The following ART3 variants were observed in gnomAD, a reference collection of about 807,000 sequenced individuals.
ART3 encodes the protein ecto-ADP-ribosyltransferase 3.
In ART3, 49 loss-of-function variants were observed where a neutral mutation model predicts 48.5. The observed-to-expected ratio is 1.01, with a 90% CI of 0.80 to 1.28. The LOEUF (loss-of-function observed/expected upper bound fraction) is 1.28. Among genes scored for constraint, ART3 ranks in the 50% most tolerant of loss-of-function variants. The pLI, the probability that ART3 is intolerant of heterozygous loss-of-function variation, is 0.00. For synonymous variants in ART3, 145 were observed against 157.2 expected (o/e 0.92, Z 0.58); for missense variants, 438 against 454.3 (o/e 0.96, Z 0.33).
At chr4:76,111,563 G>A (rs1259545979) in intron 11 of ART3, among the ~76,000 whole-genome samples, 1 of 133,196 alleles carries the variant, frequency 7.5e-6, no homozygotes, top group Non-Finnish European at 1.6e-5. Context: ...ATTTATTTGA[G>A]CTGGAGTCTT....
At chr4:76,052,694 G>A (rs943468566) in intron 1 of ART3, among the ~76,000 whole-genome samples, 2 of 148,802 alleles carry the variant, frequency 1.3e-5, no homozygotes, top group South Asian at 2.1e-4. Flanking sequence ...GAGAACATGC[G>A]TGTACCCAAT....
chr4:76,107,731 T>C (rs373840083), intron 10 of ART3, 30 bp from the exon 11 acceptor site: 8 of 1,355,812 alleles, frequency 5.9e-6, no homozygotes, highest in Non-Finnish European at 8.2e-6. Context: ...ATATACAATA[T>C]AACTAACTCA....
intron 1 of ART3, among the ~76,000 whole-genome samples, chr4:76,044,734 T>C (rs550163750): frequency 6.6e-6 from 1 of 152,108 alleles, no homozygotes; most frequent in East Asian, 1.9e-4. Flanking sequence ...TCCCTGTCTC[T>C]TTCTCTGACT....
chr4:76,029,485 A>AT (rs1248529500), intron 1 of ART3, among the ~76,000 whole-genome samples: 1 of 152,180 alleles, frequency 6.6e-6, no homozygotes, highest in East Asian at 1.9e-4. Flanking sequence ...GCTCAATTTC[A>AT]TTACCAGTGT....
chr4:76,078,477 C>T (rs1279814236), intron 2 of ART3, among the ~76,000 whole-genome samples: 1 of 152,076 alleles, frequency 6.6e-6, no homozygotes, highest in Non-Finnish European at 1.5e-5. Context: ...CATTTCTTGG[C>T]TATGAGATGG....
chr4:76,101,052 A>G (rs781116337), intron 8 of ART3, 33 bp downstream of exon 8: 2 of 1,610,168 alleles, frequency 1.2e-6, no homozygotes, highest in African/African-American at 1.3e-5. Context: ...GGGGGCTTAC[A>G]TTTTGCAATA....
In ART3 at chr4:76,112,616, A is replaced by G; in HGVS notation, c.*97A>G. The G allele has an allele frequency of 2.3e-6, 3 of 1,326,752 alleles. No homozygotes were observed. Among genetic ancestry groups the G allele is most frequent in the South Asian group, 1.6e-5 (1 of 63,728 alleles). 82.2% of individuals were successfully genotyped at this position (1,326,752 alleles called of 1,614,324 possible). ...ATGATGTATTTTTTACGTGTTGGCC[A>G]AAGTCACTGGATAAAATGAGAATTG... On this transcript the variant is annotated 3_prime_UTR_variant, in exon 12 of 12. Transcript: ENST00000355810.
chr4:76,063,338 A>G (rs750911930), intron 1 of ART3, among the ~76,000 whole-genome samples: 1 of 152,166 alleles, frequency 6.6e-6, no homozygotes, highest in Admixed American at 6.5e-5. Flanking sequence ...AAATAAGCAT[A>G]TACTAGATTC....
chr4:76,106,846 A>G (rs1214368134), intron 10 of ART3, among the ~76,000 whole-genome samples: 1 of 152,166 alleles, frequency 6.6e-6, no homozygotes, highest in Non-Finnish European at 1.5e-5. Flanking sequence ...GAGGCTAGAA[A>G]GGGAGCTCGA....
At chr4:76,012,746 G>A (rs965548727) in intron 1 of ART3, among the ~76,000 whole-genome samples, 1 of 152,122 alleles carries the variant, frequency 6.6e-6, no homozygotes, top group Non-Finnish European at 1.5e-5. Context: ...GTGACTTTAG[G>A]CAAGTCAGCT....
chr4:76,095,023 C>A (rs1725693502), intron 3 of ART3, among the ~76,000 whole-genome samples: 2 of 152,058 alleles, frequency 1.3e-5, no homozygotes, highest in African/African-American at 4.8e-5. Context: ...GTTAGGTTTC[C>A]TTTTTCATTC....
At chr4:76,101,706 C>T (rs139386855) in intron 8 of ART3, among the ~76,000 whole-genome samples, 3,927 of 152,078 alleles carry the variant, frequency 0.026, 135 homozygotes, top group African/African-American at 0.078. Context: ...GAGCCGAGAT[C>T]GCGCCACTGC....
chr4:76,103,795 T>C, intron 8 of ART3, 142 bp from the exon 9 acceptor site: 2 of 692,250 alleles, frequency 2.9e-6, no homozygotes, highest in Middle Eastern at 6.3e-4. Context: ...AAAGGTGTTT[T>C]TGTTGTTGCT....
intron 1 of ART3, among the ~76,000 whole-genome samples, chr4:76,057,548 T>C (rs966521934): frequency 3.3e-5 from 5 of 152,240 alleles, no homozygotes; most frequent in Non-Finnish European, 7.3e-5. Context: ...CTAACACTTA[T>C]ATAGTGCTTC....
chr4:76,076,436 A>G (rs2149522472), intron 2 of ART3, among the ~76,000 whole-genome samples: 1 of 152,238 alleles, frequency 6.6e-6, no homozygotes, highest in East Asian at 1.9e-4. Flanking sequence ...GATTAACTGT[A>G]AAAAGTTGAA....
At chr4:76,105,397 G>T (rs749721829) in intron 10 of ART3, 2 of 867,516 alleles carry the variant, frequency 2.3e-6, no homozygotes, top group Non-Finnish European at 1.5e-6. Context: ...AATGAGGAAA[G>T]CTTCTGTCTT....
intron 1 of ART3, among the ~76,000 whole-genome samples, chr4:76,018,932 A>G (rs1206542962): frequency 6.6e-6 from 1 of 151,708 alleles, no homozygotes; most frequent in Admixed American, 6.6e-5. Flanking sequence ...TCCTAGCTAC[A>G]TGGGAGGCAG....
At chr4:76,038,997 A>G (rs898965208) in intron 1 of ART3, among the ~76,000 whole-genome samples, 1 of 152,170 alleles carries the variant, frequency 6.6e-6, no homozygotes, top group Non-Finnish European at 1.5e-5. Context: ...TGCTGGGATT[A>G]CAGGCGTGAG....
intron 3 of ART3, among the ~76,000 whole-genome samples, chr4:76,091,679 C>CTTTTT (rs869226732): frequency 2.5e-4 from 28 of 112,282 alleles, no homozygotes; most frequent in Non-Finnish European, 4.1e-4. Flanking sequence ...TGTAGCTTAT[C>CTTTTT]TTTTTTTTTT....
Sources: allele counts gnomAD v4.1 joint callset (sites outside exome capture counted in the v4.1 genomes callset), GRCh38; gene constraint gnomAD v4.1.1; transcripts MANE v1.5; gene names NCBI Gene and HGNC (gene_info 2026-07-23, HGNC 2026-07-21).